TLL2: variants seen among roughly 807,000 people sequenced by gnomAD.
TLL2 encodes tolloid-like protein 2.
A neutral mutation model predicts 123.0 loss-of-function variants in TLL2; 106 were observed. The ratio of observed to expected loss-of-function variants is 0.86; its 90% CI spans 0.74 to 1.01. The LOEUF is 1.01. Ranked by LOEUF, TLL2 falls within the 50% of genes least tolerant of loss-of-function variation. TLL2 has a pLI of 0.00. For synonymous variants in TLL2, 494 were observed against 516.8 expected (o/e 0.96, Z 0.60); for missense variants, 1,332 against 1,336.7 (o/e 1.00, Z 0.06).
chr10:96,400,757 C>T (rs1248624849), intron 10 of TLL2, among the ~76,000 whole-genome samples: 1 of 152,148 alleles, frequency 6.6e-6, no homozygotes, highest in African/African-American at 2.4e-5. Context: ...GTTCTGCATA[C>T]AAAAGTGCAT....
intron 4 of TLL2, 44 bp from the exon 5 acceptor site, chr10:96,428,792 A>G: frequency 7.7e-7 from 1 of 1,301,406 alleles, no homozygotes; most frequent in South Asian, 1.3e-5. Flanking sequence ...ATGGGTCCAT[A>G]TTTTCTTTAG....
At chr10:96,506,018 C>A (rs7079670) in intron 1 of TLL2, among the ~76,000 whole-genome samples, 2 of 151,962 alleles carry the variant, frequency 1.3e-5, no homozygotes, top group African/African-American at 4.8e-5. Flanking sequence ...CTTTGGGAGG[C>A]TGAGGCGGGT....
At chr10:96,491,475 T>G (rs961107296) in intron 1 of TLL2, among the ~76,000 whole-genome samples, 4 of 152,114 alleles carry the variant, frequency 2.6e-5, no homozygotes, top group Non-Finnish European at 4.4e-5. Context: ...CACTAGACCT[T>G]CAACCTGCAA....
intron 10 of TLL2, among the ~76,000 whole-genome samples, chr10:96,401,432 A>G (rs1043269455): frequency 4.6e-5 from 7 of 152,162 alleles, no homozygotes; most frequent in Non-Finnish European, 7.4e-5. Context: ...ATTTGGAAAC[A>G]TCAGAGCAGG....
At chr10:96,406,220 C>G (rs1196279386) in intron 9 of TLL2, among the ~76,000 whole-genome samples, 1 of 152,064 alleles carries the variant, frequency 6.6e-6, no homozygotes, top group African/African-American at 2.4e-5. Flanking sequence ...GCTCGGGGCT[C>G]CCCTGGCAGA....
chr10:96,448,307 T>C (rs1589424999), intron 2 of TLL2, among the ~76,000 whole-genome samples: 1 of 152,140 alleles, frequency 6.6e-6, no homozygotes, highest in East Asian at 1.9e-4. Context: ...GGGCTAAAGG[T>C]CAGGGGAATT....
intron 1 of TLL2, among the ~76,000 whole-genome samples, chr10:96,498,537 C>T (rs1847501553): frequency 6.6e-6 from 1 of 152,156 alleles, no homozygotes. Context: ...TCATTGTCCA[C>T]CAATACTTCT....
intron 2 of TLL2, among the ~76,000 whole-genome samples, chr10:96,462,837 A>C (rs1298569759): frequency 6.6e-6 from 1 of 152,186 alleles, no homozygotes; most frequent in Non-Finnish European, 1.5e-5. Flanking sequence ...TCAGCACTAT[A>C]CTTGGGGGCC....
At chr10:96,369,914 G>C in intron 20 of TLL2, 151 bp downstream of exon 20, 1 of 1,152,122 alleles carries the variant, frequency 8.7e-7, no homozygotes, top group Non-Finnish European at 1.2e-6. Flanking sequence ...CGGTTCTCCT[G>C]CTTCCCACTC....
At chr10:96,372,630 CAG>C (rs1336852619) in intron 19 of TLL2, among the ~76,000 whole-genome samples, 1 of 152,162 alleles carries the variant, frequency 6.6e-6, no homozygotes, top group Non-Finnish European at 1.5e-5. Flanking sequence ...TCACGGGGAA[CAG>C]AAACATTTTT....
chr10:96,476,248 T>TTTTTTTTGTTGTTGTTG (rs1285354320), intron 2 of TLL2, among the ~76,000 whole-genome samples: 4 of 69,240 alleles, frequency 5.8e-5, no homozygotes, highest in African/African-American at 2.5e-4. Context: ...ATATTTTATT[T>TTTTTTTTGTTGTTGTTG]TTGTTGTTGT....
At chr10:96,385,326 T>C (rs78232937) in intron 15 of TLL2, among the ~76,000 whole-genome samples, 1,625 of 152,368 alleles carry the variant, frequency 0.011, 8 homozygotes, top group Admixed American at 0.015. Context: ...AGAACTTCAC[T>C]GCTAAGGGGT....
intron 18 of TLL2, chr10:96,374,377 T>C (rs1846114797): frequency 6.3e-6 from 1 of 159,154 alleles, no homozygotes; most frequent in South Asian, 1.9e-4. Flanking sequence ...TGGGCCATGA[T>C]CTGGTGCTCT....
chr10:96,502,238 C>T (rs2134114864), intron 1 of TLL2, among the ~76,000 whole-genome samples: 1 of 152,266 alleles, frequency 6.6e-6, no homozygotes, highest in East Asian at 1.9e-4. Flanking sequence ...AAGCAATGAC[C>T]AGAGCACCCC....
intron 1 of TLL2, among the ~76,000 whole-genome samples, chr10:96,495,902 T>A (rs1301248614): frequency 4.6e-5 from 7 of 152,154 alleles, no homozygotes. Context: ...GAGATGTAAA[T>A]GTTTTAATGG....
chr10:96,369,524 G>C (rs1846058553), intron 20 of TLL2, among the ~76,000 whole-genome samples: 1 of 152,202 alleles, frequency 6.6e-6, no homozygotes, highest in African/African-American at 2.4e-5. Flanking sequence ...ACTTTGGAAG[G>C]ACGAGGCAGG....
Position 96,397,192 on chromosome 10 carries a change from A to G in TLL2, c.1378T>C (p.Tyr460His). Residue 460 changes from tyrosine (Y) to histidine (H), a missense_variant, in exon 11 of 21, where the codon TAC (tyrosine) becomes CAC (histidine). Transcript: ENST00000357947. ...NILGKGFFAA[Y>H]EATCGGDMNK... ...GCTTTCACCTCGCACAAACCTTCGT[A>G]CGCTGCAAAGAAGCCCTTGCCCAAG... The G allele has an allele frequency of 6.2e-7, 1 of 1,613,364 alleles. No homozygotes were observed. Among genetic ancestry groups the G allele is most frequent in the Non-Finnish European group, 8.5e-7 (1 of 1,179,568 alleles).
intron 1 of TLL2, among the ~76,000 whole-genome samples, chr10:96,507,510 A>G (rs772623906): frequency 2.6e-5 from 4 of 152,072 alleles, no homozygotes; most frequent in Non-Finnish European, 5.9e-5. Flanking sequence ...CCTCTACAGC[A>G]TTTCAACAAA....
intron 1 of TLL2, among the ~76,000 whole-genome samples, chr10:96,502,695 C>T (rs1296004531): frequency 7.1e-6 from 1 of 140,532 alleles, no homozygotes; most frequent in Admixed American, 7.5e-5. Context: ...GAGAGGCGAC[C>T]CTGCGACCTG....
Sources: allele counts gnomAD v4.1 joint callset (sites outside exome capture counted in the v4.1 genomes callset), GRCh38; gene constraint gnomAD v4.1.1; transcripts MANE v1.5; gene names NCBI Gene and HGNC (gene_info 2026-07-23, HGNC 2026-07-21).